The following NEBL variants were observed in gnomAD, a reference collection of about 807,000 sequenced individuals.
NEBL encodes the protein LIM and SH3 protein 2.
Under a neutral mutation model 140.2 loss-of-function variants are expected in NEBL, and 122 were observed. The ratio of observed to expected loss-of-function variants is 0.87; its 90% confidence interval spans 0.75 to 1.01. The LOEUF (loss-of-function observed/expected upper bound fraction) is 1.01. Ranked by LOEUF, NEBL falls within the 50% of genes least tolerant of loss-of-function variation. The probability of loss-of-function intolerance (pLI) is 0.00; values close to 1 mark genes in which losing one functional copy is unlikely to be tolerated. For missense variants in NEBL, 1,365 were observed against 1,231.3 expected (o/e 1.11, Z -1.62); for synonymous variants, 436 against 398.9 (o/e 1.09, Z -1.11).
chr10:21,029,003 C>T lies in NEBL; in HGVS notation c.165-8802G>A, dbSNP rs117820715. 5,038 of 646,160 alleles carry T rather than the reference C, an allele frequency of 7.8e-3. 148 individuals carry two copies. The highest frequency in any genetic ancestry group is 0.076 in the East Asian group (2,810 of 36,818). 40.0% of individuals were successfully genotyped at this position (646,160 alleles called of 1,614,324 possible). A position where few individuals can be genotyped will look rare whatever the true frequency, so the allele number is the denominator to read the frequency against. On this transcript the variant is annotated intron_variant, in intron 2 of 6. Transcript: ENST00000417816. ...TGTTGCTTTCCCGCTCCCAACATGGCGGCCTCAGCAAAAAAGACGAATAAG... is the reference window on the plus strand; with the variant it reads ...TGTTGCTTTCCCGCTCCCAACATGGTGGCCTCAGCAAAAAAGACGAATAAG...
intron 26 of NEBL, among the ~76,000 whole-genome samples, chr10:20,791,014 T>C (rs915667735): frequency 6.6e-6 from 1 of 152,232 alleles, no homozygotes; most frequent in Non-Finnish European, 1.5e-5. Context: ...TGGGGGACAA[T>C]GGCTTTTCTA....
chr10:21,240,079 G>T (rs186470139), intron 3 of NEBL, among the ~76,000 whole-genome samples: 108 of 151,602 alleles, frequency 7.1e-4, no homozygotes, highest in African/African-American at 2.5e-3. Flanking sequence ...CAATAAAATA[G>T]AAGCAAAACA....
chr10:20,820,686 A>T (rs929692473), intron 19 of NEBL, among the ~76,000 whole-genome samples: 3 of 152,080 alleles, frequency 2.0e-5, no homozygotes, highest in Non-Finnish European at 4.4e-5. Context: ...TGAGCCAGGC[A>T]TGGTGGTTTG....
chr10:20,899,046 A>G (rs944476771), upstream of NEBL, among the ~76,000 whole-genome samples: 2 of 152,332 alleles, frequency 1.3e-5, no homozygotes, highest in South Asian at 4.1e-4. Context: ...CTCTAAGATT[A>G]CAGCCATATC....
rs11413698 is a variant in NEBL at position 21,172,481 on chromosome 10, GA to G, written c.70-5del. On this transcript the variant is annotated splice_polypyrimidine_tract_variant and splice_region_variant and intron_variant, in intron 1 of 6. Transcript: ENST00000417816. ...GGAAACATCCTTTATGCCAATACTGGAAAAAAAAAAAAAACATTTAAAAATA... is the reference window on the plus strand; with the variant it reads ...GGAAACATCCTTTATGCCAATACTGGAAAAAAAAAAAAACATTTAAAAATA... The G allele has an allele frequency of 0.069, 87,922 of 1,272,820 alleles. 81 individuals carry two copies. The highest frequency in any genetic ancestry group is 0.086 in the Admixed American group (4,193 of 48,676). 78.8% of individuals were successfully genotyped at this position (1,272,820 alleles called of 1,614,324 possible).
At position 20,964,376 on chromosome 10, in the gene NEBL, G is replaced by T. The variant is rs181292039; in HGVS notation, c.250-2597C>A. Among the ~76,000 whole-genome samples, 9 of 152,278 alleles carry T rather than the reference G, an allele frequency of 5.9e-5. No individual in the cohort carries two copies. The East Asian group carries it at 1.7e-3, about 29-fold the overall frequency. On this transcript the variant is annotated intron_variant, in intron 3 of 6. Transcript: ENST00000417816. Reference sequence around the variant, plus strand: ...AGAAAAGAGGTTTATTTGGCTTATGGTTCTGTAAGCTGTACAGGAAGCATG... The same window carrying T: ...AGAAAAGAGGTTTATTTGGCTTATGTTTCTGTAAGCTGTACAGGAAGCATG...
intron 1 of NEBL, among the ~76,000 whole-genome samples, chr10:21,253,233 T>G (rs1414983712): frequency 6.6e-6 from 1 of 152,180 alleles, no homozygotes. Context: ...ATCGTGCCAT[T>G]GCACTCTTGC....
chr10:20,972,224 C>T (rs544249742), intron 3 of NEBL, among the ~76,000 whole-genome samples: 2 of 152,254 alleles, frequency 1.3e-5, no homozygotes, highest in African/African-American at 4.8e-5. Context: ...AAAGTCTCGT[C>T]ACAGCTGATA....
intron 2 of NEBL, among the ~76,000 whole-genome samples, chr10:21,092,456 C>A (rs1836965008): frequency 6.6e-6 from 1 of 152,078 alleles, no homozygotes; most frequent in Non-Finnish European, 1.5e-5. Context: ...ATTCCGATAT[C>A]ACTTCATGTA....
chr10:20,875,301 A>C (rs1395992561), intron 5 of NEBL, among the ~76,000 whole-genome samples: 1 of 152,140 alleles, frequency 6.6e-6, no homozygotes, highest in Non-Finnish European at 1.5e-5. Flanking sequence ...CCTTTTCTGC[A>C]TCAATTCATT....
At chr10:21,046,306 C>T (rs901508493) in intron 2 of NEBL, among the ~76,000 whole-genome samples, 2 of 152,152 alleles carry the variant, frequency 1.3e-5, no homozygotes, top group African/African-American at 2.4e-5. Context: ...ACATACTGTA[C>T]ATCATGATGA....
chr10:20,831,982 C>T (rs1180756602), intron 14 of NEBL, among the ~76,000 whole-genome samples: 4 of 152,128 alleles, frequency 2.6e-5, no homozygotes, highest in African/African-American at 4.8e-5. Flanking sequence ...GAATCCACCC[C>T]TTTTTTCCCC....
At chr10:21,230,112 T>A (rs1056439266) in intron 3 of NEBL, among the ~76,000 whole-genome samples, 2 of 152,176 alleles carry the variant, frequency 1.3e-5, no homozygotes. Flanking sequence ...ATTTTTAAAT[T>A]GGAATTTTGA....
intron 19 of NEBL, among the ~76,000 whole-genome samples, chr10:20,821,600 A>G (rs1220946033): frequency 1.3e-5 from 2 of 152,218 alleles, no homozygotes; most frequent in Admixed American, 6.5e-5. Context: ...TCTACCATCA[A>G]TTGAAAACTA....
chr10:21,029,530 G>C, intron 2 of NEBL: 1 of 1,607,782 alleles, frequency 6.2e-7, no homozygotes, highest in Non-Finnish European at 8.5e-7. Context: ...ACAGGATACA[G>C]ACAGGGACGA....
At chr10:21,072,416 G>A (rs1447259239) in intron 2 of NEBL, among the ~76,000 whole-genome samples, 1 of 152,182 alleles carries the variant, frequency 6.6e-6, no homozygotes, top group African/African-American at 2.4e-5. Flanking sequence ...GGTTGTAGGT[G>A]GACATGTCTG....
intron 7 of NEBL, among the ~76,000 whole-genome samples, chr10:20,862,629 C>T (rs933264737): frequency 6.6e-6 from 1 of 152,180 alleles, no homozygotes; most frequent in Non-Finnish European, 1.5e-5. Context: ...CCAGGAAATG[C>T]TTTTCCTTGA....
chr10:21,073,617 C>CAAA (rs10594967), intron 2 of NEBL, among the ~76,000 whole-genome samples: 1 of 76,422 alleles, frequency 1.3e-5, no homozygotes, highest in African/African-American at 4.0e-5. Context: ...ACTCTGTCGT[C>CAAA]AAAAAAAAAA....
chr10:20,952,121 A>G (rs908097704), intron 4 of NEBL, among the ~76,000 whole-genome samples: 4 of 152,152 alleles, frequency 2.6e-5, no homozygotes, highest in African/African-American at 9.7e-5. Context: ...CAAACCTGGA[A>G]ATGAAAAGTT....
Sources: gnomAD v4.1 joint callset for allele counts (sites outside exome capture counted in the v4.1 genomes callset) on GRCh38, gnomAD v4.1.1 for gene constraint, MANE v1.5 for transcripts, NCBI Gene and HGNC (gene_info 2026-07-23, HGNC 2026-07-21) for gene names.